Variants in PLPPR5 observed in about 807,000 individuals in gnomAD.
PLPPR5 encodes the protein phospholipid phosphatase related 5, also known as phospholipid phosphatase-related protein type 5.
Under a neutral mutation model 33.9 loss-of-function variants are expected in PLPPR5, and 16 were observed. The observed-to-expected ratio is 0.47, with a 90% confidence interval of 0.32 to 0.72. The LOEUF (loss-of-function observed/expected upper bound fraction) is 0.72. PLPPR5 is among the 30% of genes least tolerant of loss of function. The pLI, the probability that PLPPR5 is intolerant of heterozygous loss-of-function variation, is 0.03. For missense variants in PLPPR5, 301 were observed against 406.7 expected (o/e 0.74, Z 2.23); for synonymous variants, 163 against 150.3 (o/e 1.08, Z -0.62).
At chr1:98,975,482 C>A (rs1453355376) in intron 1 of PLPPR5, among the ~76,000 whole-genome samples, 7 of 151,986 alleles carry the variant, frequency 4.6e-5, no homozygotes, top group African/African-American at 9.7e-5. Flanking sequence ...GAGGTTTCAG[C>A]GGAATATTTG....
intron 5 of PLPPR5, among the ~76,000 whole-genome samples, chr1:98,898,044 A>G (rs1231711531): frequency 6.6e-6 from 1 of 152,148 alleles, no homozygotes; most frequent in African/African-American, 2.4e-5. Context: ...AAAATACACT[A>G]TTCTACCGAT....
At chr1:98,963,233 T>G (rs1040478203) in intron 1 of PLPPR5, among the ~76,000 whole-genome samples, 3 of 152,222 alleles carry the variant, frequency 2.0e-5, no homozygotes, top group South Asian at 2.1e-4. Context: ...ATATTGCCTA[T>G]TCTATTGCAA....
intron 3 of PLPPR5, among the ~76,000 whole-genome samples, chr1:98,926,491 TGTGTG>T (rs1385133792): frequency 6.8e-6 from 1 of 147,264 alleles, no homozygotes; most frequent in African/African-American, 2.5e-5. Context: ...TGTGTGTGTG[TGTGTG>T]TTTTAATAAC....
intron 3 of PLPPR5, among the ~76,000 whole-genome samples, chr1:98,946,919 C>T (rs1290816416): frequency 2.0e-5 from 3 of 151,960 alleles, no homozygotes; most frequent in Admixed American, 6.6e-5. Flanking sequence ...TTTTATAGAA[C>T]TACACTTGTA....
At chr1:98,905,742 C>T (rs1648871216) in intron 5 of PLPPR5, among the ~76,000 whole-genome samples, 1 of 152,122 alleles carries the variant, frequency 6.6e-6, no homozygotes, top group Middle Eastern at 3.2e-3. Flanking sequence ...CCAATTCATT[C>T]ATATCCTAAT....
Position 98,934,800 on chromosome 1 carries a change from G to A in PLPPR5, c.622-12742C>T, listed in dbSNP as rs568290708. Among the ~76,000 whole-genome samples the A allele has an allele frequency of 7.9e-5, 12 of 152,248 alleles. 1 individual carries two copies. In the South Asian group the frequency reaches 1.9e-3, roughly 24 times the overall value. ...CAACCCGGACGTGAGGGGAGTGTTAGGCAAAACTTCCTGTAGGGGCCATTT... is the reference window on the plus strand; with the variant it reads ...CAACCCGGACGTGAGGGGAGTGTTAAGCAAAACTTCCTGTAGGGGCCATTT... On this transcript the variant is annotated intron_variant, in intron 3 of 5. Coordinates refer to ENST00000263177, the MANE Select transcript of PLPPR5 (RefSeq NM_001037317.2).
At chr1:99,001,974 T>C (rs1013479247) in intron 1 of PLPPR5, among the ~76,000 whole-genome samples, 1 of 152,010 alleles carries the variant, frequency 6.6e-6, no homozygotes, top group Non-Finnish European at 1.5e-5. Flanking sequence ...ATTAGAAGGA[T>C]ATAAGGTATG....
intron 3 of PLPPR5, among the ~76,000 whole-genome samples, chr1:98,928,868 GATA>G (rs1325023984): frequency 6.6e-6 from 1 of 151,822 alleles, no homozygotes; most frequent in Non-Finnish European, 1.5e-5. Context: ...GCAATAAAAT[GATA>G]ATATCATGGA....
chr1:98,959,343 AT>A (rs1256132804), intron 1 of PLPPR5, among the ~76,000 whole-genome samples: 1 of 152,184 alleles, frequency 6.6e-6, no homozygotes, highest in East Asian at 1.9e-4. Flanking sequence ...ACCTTGCGGA[AT>A]TTCCGATTTG....
intron 5 of PLPPR5, among the ~76,000 whole-genome samples, chr1:98,908,761 C>T (rs576805713): frequency 6.6e-6 from 1 of 152,078 alleles, no homozygotes; most frequent in South Asian, 2.1e-4. Context: ...GAAGCTGAAC[C>T]CTGGGCATGA....
intron 2 of PLPPR5, among the ~76,000 whole-genome samples, chr1:98,956,373 T>G (rs1287027204): frequency 6.6e-6 from 1 of 152,160 alleles, no homozygotes; most frequent in African/African-American, 2.4e-5. Context: ...CAGTAGATTT[T>G]AGGGGAACAG....
At chr1:98,965,142 G>C (rs555558701) in intron 1 of PLPPR5, among the ~76,000 whole-genome samples, 1 of 151,940 alleles carries the variant, frequency 6.6e-6, no homozygotes, top group Non-Finnish European at 1.5e-5. Flanking sequence ...CTCAGAGCTG[G>C]GTCTGAGCAA....
intron 1 of PLPPR5, among the ~76,000 whole-genome samples, chr1:98,966,240 TA>T (rs1353409634): frequency 2.6e-5 from 4 of 152,214 alleles, no homozygotes; most frequent in Non-Finnish European, 5.9e-5. Context: ...TGTATTCTTT[TA>T]TAATAATTTG....
chr1:98,965,202 T>C (rs1267451716), intron 1 of PLPPR5, among the ~76,000 whole-genome samples: 1 of 152,124 alleles, frequency 6.6e-6, no homozygotes, highest in Non-Finnish European at 1.5e-5. Context: ...TCTGACAGTT[T>C]ACCTCATTGG....
intron 3 of PLPPR5, among the ~76,000 whole-genome samples, chr1:98,944,514 A>G (rs559027653): frequency 6.6e-6 from 1 of 152,368 alleles, no homozygotes; most frequent in African/African-American, 2.4e-5. Flanking sequence ...ACTAGACACC[A>G]TGTATGAACC....
chr1:98,901,469 A>T (rs983049714), intron 5 of PLPPR5, among the ~76,000 whole-genome samples: 4 of 150,122 alleles, frequency 2.7e-5, no homozygotes, highest in East Asian at 1.9e-4. Flanking sequence ...AATCCAAATT[A>T]AAAAAAATTA....
intron 5 of PLPPR5, 93 bp downstream of exon 5, chr1:98,914,693 C>G: frequency 8.6e-7 from 1 of 1,160,480 alleles, no homozygotes; most frequent in Non-Finnish European, 1.2e-6. Flanking sequence ...AGTAAATCAA[C>G]ATAAACTGTG....
intron 4 of PLPPR5, among the ~76,000 whole-genome samples, chr1:98,916,516 G>T (rs1239833102): frequency 1.3e-5 from 2 of 152,230 alleles, no homozygotes; most frequent in African/African-American, 4.8e-5. Context: ...TTTTGGCTTT[G>T]CAGCCTTACA....
chr1:98,913,537 A>G (rs890468307), intron 5 of PLPPR5, among the ~76,000 whole-genome samples: 4 of 152,178 alleles, frequency 2.6e-5, no homozygotes, highest in African/African-American at 9.7e-5. Context: ...ATTAACCTGG[A>G]TGTACCCTAC....
Sources: allele counts gnomAD v4.1 joint callset (sites outside exome capture counted in the v4.1 genomes callset), GRCh38; gene constraint gnomAD v4.1.1; transcripts MANE v1.5; gene names NCBI Gene and HGNC (gene_info 2026-07-23, HGNC 2026-07-21).